Variants in KSR2 observed in about 807,000 individuals in gnomAD.
KSR2 encodes kinase suppressor of ras 2.
Under a neutral mutation model 107.8 loss-of-function variants are expected in KSR2, and 25 were observed. That is an observed-to-expected ratio of 0.23 (90% CI 0.17 to 0.32). The LOEUF is 0.32. Among genes scored for constraint, KSR2 ranks in the 10% least tolerant of loss-of-function variants. KSR2 has a pLI of 1.00. For missense variants in KSR2, 887 were observed against 1,268.9 expected (o/e 0.70, Z 4.57); for synonymous variants, 480 against 507.0 (o/e 0.95, Z 0.71).
At chr12:117,911,636 AT>A (rs905887755) in intron 1 of KSR2, among the ~76,000 whole-genome samples, 6 of 149,546 alleles carry the variant, frequency 4.0e-5, no homozygotes, top group East Asian at 3.9e-4. Context: ...GTCCTACTTT[AT>A]TTTTTTTTTC....
At chr12:117,678,102 AT>A (rs35096843) in intron 4 of KSR2, among the ~76,000 whole-genome samples, 50,442 of 127,436 alleles carry the variant, frequency 0.4, 8,623 homozygotes, top group Non-Finnish European at 0.48. Context: ...AGCCCAGCTA[AT>A]TTTTTTTTTT....
At chr12:117,496,224 G>T (rs1178288898) in intron 14 of KSR2, among the ~76,000 whole-genome samples, 1 of 152,088 alleles carries the variant, frequency 6.6e-6, no homozygotes, top group East Asian at 1.9e-4. Context: ...GGCTTCATAG[G>T]GAGGGAGTAT....
At chr12:117,810,841 A>G (rs1171146635) in intron 3 of KSR2, among the ~76,000 whole-genome samples, 1 of 152,204 alleles carries the variant, frequency 6.6e-6, no homozygotes, top group Non-Finnish European at 1.5e-5. Context: ...GGGAAAATAG[A>G]AATGAAAAGA....
At position 117,959,794 on chromosome 12, in the gene KSR2, G is replaced by A. The variant is rs181931541; in HGVS notation, c.180+8282C>T. ...AAATTTTTAAAATGTAGCCAGCGAT[G>A]GTGATGCACATCTGCAGTCCCCGCT... is the stretch of plus-strand genomic sequence containing the variant. On this transcript the variant is annotated intron_variant, in intron 1 of 19. Coordinates refer to ENST00000339824, the MANE Select transcript of KSR2 (RefSeq NM_173598.6). Among the ~76,000 whole-genome samples, 102 of 152,126 alleles carry A rather than the reference G, an allele frequency of 6.7e-4. 1 individual carries two copies. In the East Asian group the frequency reaches 9.3e-3, roughly 14 times the overall value.
intron 5 of KSR2, among the ~76,000 whole-genome samples, chr12:117,660,160 GC>G (rs1225000650): frequency 6.6e-6 from 1 of 152,168 alleles, no homozygotes; most frequent in Non-Finnish European, 1.5e-5. Flanking sequence ...ATACAGATTG[GC>G]CCTGGTACTG....
At chr12:117,824,813 C>T (rs1047712074) in intron 3 of KSR2, among the ~76,000 whole-genome samples, 19 of 147,828 alleles carry the variant, frequency 1.3e-4, no homozygotes, top group African/African-American at 2.5e-4. Context: ...GCCAAGATCA[C>T]GCCACTGCAC....
At chr12:117,919,760 G>A (rs1264011526) in intron 1 of KSR2, among the ~76,000 whole-genome samples, 1 of 152,220 alleles carries the variant, frequency 6.6e-6, no homozygotes, top group Non-Finnish European at 1.5e-5. Flanking sequence ...GCTCCCCATC[G>A]CCTTTCTCTG....
intron 5 of KSR2, among the ~76,000 whole-genome samples, chr12:117,660,372 A>C (rs1187968947): frequency 6.6e-6 from 1 of 152,204 alleles, no homozygotes; most frequent in Non-Finnish European, 1.5e-5. Context: ...TGAGGAGAGC[A>C]TGTCCTCATG....
chr12:117,837,406 C>T (rs1385482040), intron 3 of KSR2, among the ~76,000 whole-genome samples: 1 of 152,168 alleles, frequency 6.6e-6, no homozygotes, highest in African/African-American at 2.4e-5. Flanking sequence ...GGAAGCTTAT[C>T]GGGCAGCGCC....
chr12:117,603,763 T>A (rs888835825), intron 5 of KSR2, among the ~76,000 whole-genome samples: 11 of 152,160 alleles, frequency 7.2e-5, no homozygotes, highest in African/African-American at 2.7e-4. Flanking sequence ...CAAAAAAACC[T>A]TGAAAACTGA....
At chr12:117,812,135 G>A (rs771296137) in intron 3 of KSR2, among the ~76,000 whole-genome samples, 1 of 152,160 alleles carries the variant, frequency 6.6e-6, no homozygotes, top group Non-Finnish European at 1.5e-5. Flanking sequence ...CTCTACAGCT[G>A]CCCTGTCCAA....
intron 5 of KSR2, among the ~76,000 whole-genome samples, chr12:117,654,786 C>G (rs1003933331): frequency 2.6e-5 from 4 of 152,186 alleles, no homozygotes; most frequent in Non-Finnish European, 5.9e-5. Context: ...TGCTCACCAA[C>G]GGGTGACCTC....
chr12:117,694,276 C>T lies in KSR2; in HGVS notation c.987-26618G>A, dbSNP rs183757494. ...GTGGAGATAACTGAATCATGGGGGACGTTTCCTCCATACTGTTCTCGTGGT... is the reference window on the plus strand; with the variant it reads ...GTGGAGATAACTGAATCATGGGGGATGTTTCCTCCATACTGTTCTCGTGGT... On this transcript the variant is annotated intron_variant, in intron 4 of 19. Transcript: ENST00000339824. Among the ~76,000 whole-genome samples, 231 of 152,250 alleles carry T rather than the reference C, an allele frequency of 1.5e-3. 3 individuals carry two copies. The highest frequency in any genetic ancestry group is 5.3e-3 in the African/African-American group (219 of 41,540).
intron 5 of KSR2, among the ~76,000 whole-genome samples, chr12:117,643,820 C>T (rs1883492080): frequency 1.3e-5 from 2 of 152,180 alleles, no homozygotes; most frequent in South Asian, 4.1e-4. Flanking sequence ...CATTTAGGAA[C>T]CGCCAGAGCC....
At chr12:117,750,487 A>T (rs765054024) in intron 4 of KSR2, among the ~76,000 whole-genome samples, 2 of 152,146 alleles carry the variant, frequency 1.3e-5, no homozygotes, top group Non-Finnish European at 2.9e-5. Context: ...TTTTAATTTT[A>T]ATTTCAATTT....
chr12:117,648,640 A>T (rs1883759476), intron 5 of KSR2, among the ~76,000 whole-genome samples: 1 of 152,228 alleles, frequency 6.6e-6, no homozygotes, highest in Admixed American at 6.5e-5. Context: ...CTTGCCAGGA[A>T]GGTATTGCTA....
chr12:117,854,168 C>A (rs1893016944), intron 3 of KSR2, among the ~76,000 whole-genome samples: 1 of 152,114 alleles, frequency 6.6e-6, no homozygotes, highest in African/African-American at 2.4e-5. Context: ...CCACACATGG[C>A]ACATTTTTTT....
chr12:117,586,102 C>T (rs1879973536), intron 5 of KSR2, among the ~76,000 whole-genome samples: 1 of 152,146 alleles, frequency 6.6e-6, no homozygotes, highest in Non-Finnish European at 1.5e-5. Flanking sequence ...CAGGAACCAA[C>T]ATTAACAAAG....
At position 117,835,631 on chromosome 12, in the gene KSR2, C is replaced by T. The variant is rs147477723; in HGVS notation, c.472+19797G>A. On this transcript the variant is annotated intron_variant, in intron 3 of 19. Transcript: ENST00000339824. ...GGCTCTCAGCCCAGAGTGATTTTGC[C>T]GCAGGGGACATTTGACAGTGTCTGT... 5.2e-3 allele frequency among the ~76,000 whole-genome samples: 792 copies of T among 152,188 alleles called. 3 individuals are homozygous for T. Among genetic ancestry groups the T allele is most frequent in the Middle Eastern group, 0.014 (4 of 294 alleles).
Sources: allele counts gnomAD v4.1 joint callset (sites outside exome capture counted in the v4.1 genomes callset), GRCh38; gene constraint gnomAD v4.1.1; transcripts MANE v1.5; gene names NCBI Gene and HGNC (gene_info 2026-07-23, HGNC 2026-07-21).